The following EXOSC10 variants were observed in gnomAD, a reference collection of about 807,000 sequenced individuals.
EXOSC10 encodes exosome complex component 10.
Under a neutral mutation model 126.6 loss-of-function variants are expected in EXOSC10, and 94 were observed. The observed-to-expected ratio is 0.74, with a 90% CI of 0.63 to 0.88. The LOEUF (loss-of-function observed/expected upper bound fraction) is 0.88. Among genes scored for constraint, EXOSC10 ranks in the 40% least tolerant of loss-of-function variants. EXOSC10 has a pLI of 0.00. For synonymous variants in EXOSC10, 395 were observed against 400.8 expected, an observed-to-expected ratio of 0.99 and a Z score of 0.17; for missense variants, 1,041 against 1,100.5, an observed-to-expected ratio of 0.95 and a Z score of 0.77.
At position 11,097,215 on chromosome 1, in the gene EXOSC10, C is replaced by G. The variant is rs114624687; in HGVS notation, c.248+805G>C. 6.7e-5 allele frequency among the ~76,000 whole-genome samples: 10 copies of G among 149,748 alleles called. 1 individual carries two copies. In the East Asian group the frequency reaches 1.2e-3, roughly 18 times the overall value. On this transcript the variant is annotated intron_variant, in intron 2 of 24. Coordinates refer to ENST00000376936, the MANE Select transcript of EXOSC10 (RefSeq NM_001001998.3). ...ACAGAGCAAGACTCCGTACTCCCCCCCAACAAAAAAAAAAAAGCTGGTCGT... is the reference window on the plus strand; with the variant it reads ...ACAGAGCAAGACTCCGTACTCCCCCGCAACAAAAAAAAAAAAGCTGGTCGT...
chr1:11,087,448 C>T lies in EXOSC10; in HGVS notation c.1089G>A (p.Lys363=). ...CATGAGTTACAAAAGGCTGGCTGAC[C>T]TTAACGATGGCTGGGTCTGTGAGGC... ...NESLTDPAIV[K]VFHGADSDIE... The change falls in exon 9 of 25, where the codon AAG becomes AAA. Residue 363 remains lysine, a splice_region_variant and synonymous_variant. Coordinates refer to ENST00000376936, the MANE Select transcript of EXOSC10 (RefSeq NM_001001998.3). 6.2e-7 allele frequency: 1 copy of T among 1,613,986 alleles called. No individual in the cohort carries two copies. Among genetic ancestry groups the T allele is most frequent in the Non-Finnish European group, 8.5e-7 (1 of 1,179,964 alleles).
rs202156521 is a variant in EXOSC10 at position 11,074,046 on chromosome 1, A to C, written c.2083-38T>G. Reference sequence around the variant, plus strand: ...AATGGCTGTGTGAAACGCTGCCGGGAACGGAATCTAGAGCCACGGGGCAGA... The same window carrying C: ...AATGGCTGTGTGAAACGCTGCCGGGCACGGAATCTAGAGCCACGGGGCAGA... On this transcript the variant is annotated intron_variant, in intron 18 of 24. Transcript: ENST00000376936. The C allele has an allele frequency of 8.0e-5, 128 of 1,594,466 alleles. 2 individuals carry two copies. In the East Asian group the frequency reaches 2.8e-3, roughly 35 times the overall value.
chr1:11,090,610 G>A lies in EXOSC10; in HGVS notation c.702C>T (p.Pro234=), dbSNP rs200117904. 1.0e-4 allele frequency: 161 copies of A among 1,614,106 alleles called. 1 individual carries two copies. The highest frequency in any genetic ancestry group is 8.5e-6 in the Non-Finnish European group (10 of 1,180,028). ...GATGGATGAAATCAGCCAGTGCAGG[G>A]GGGACGTCCAAGTCCTCAGGACGAT... The part of the protein sequence containing the change: ...PQDRPEDLDV[P]PALADFIHQQ... Residue 234 remains proline (P), a synonymous_variant, in exon 6 of 25, where the codon CCC becomes CCT. Coordinates refer to ENST00000376936, the MANE Select transcript of EXOSC10 (RefSeq NM_001001998.3).
Position 11,091,507 on chromosome 1 carries a change from T to C in EXOSC10, c.463A>G (p.Ser155Gly). The change falls in exon 4 of 25, where the codon AGC (serine) becomes GGC (glycine). Residue 155 changes from serine to glycine, a missense_variant. Around this residue, in one of 3 missense-constraint regions of EXOSC10, gnomAD observed 645 missense variants for 656.3 expected, o/e 0.98. Transcript: ENST00000376936. ...AAAGCCCTCACCTTACGGTTCCAGCTGGACACTACCGTTTTGGGGACCTGC... is the reference window on the plus strand; with the variant it reads ...AAAGCCCTCACCTTACGGTTCCAGCCGGACACTACCGTTTTGGGGACCTGC... ...GLQVPKTVVS[S>G]WNRKAAEYGK... 1 of 1,614,068 alleles carries C rather than the reference T, an allele frequency of 6.2e-7. No individual in the cohort carries two copies. The highest frequency in any genetic ancestry group is 8.5e-7 in the Non-Finnish European group (1 of 1,179,958).
At chr1:11,070,069 C>CA (rs369758536) in intron 21 of EXOSC10, among the ~76,000 whole-genome samples, 61 of 149,962 alleles carry the variant, frequency 4.1e-4, no homozygotes, top group African/African-American at 1.1e-3. Context: ...CCTATCTCTA[C>CA]AAAAAAAAAG....
In EXOSC10 at chr1:11,080,849, GCTT is replaced by G; in HGVS notation, c.1498_1500del (p.Lys500del). The stretch of plus-strand genomic sequence containing the variant: ...GCTGTCAACTGCTGTGTGTTAAGGT[GCTT>G]CTTCTGCTTCCTATAGAGTTCAAGG... On this transcript the variant is annotated inframe_deletion, in exon 12 of 25. Coordinates refer to ENST00000376936, the MANE Select transcript of EXOSC10 (RefSeq NM_001001998.3). 1.2e-6 allele frequency: 2 copies of G among 1,613,970 alleles called. No individual in the cohort carries two copies. Among genetic ancestry groups the G allele is most frequent in the Middle Eastern group, 1.6e-4 (1 of 6,062 alleles).
intron 14 of EXOSC10, among the ~76,000 whole-genome samples, chr1:11,079,447 G>A (rs542268411): frequency 6.3e-5 from 9 of 143,936 alleles, no homozygotes; most frequent in Admixed American, 4.2e-4. Context: ...AGGCTAGAGT[G>A]CAGTGGCGCG....
chr1:11,088,866 T>C (rs759957610), intron 6 of EXOSC10, among the ~76,000 whole-genome samples: 1 of 152,306 alleles, frequency 6.6e-6, no homozygotes, highest in Middle Eastern at 3.4e-3. Context: ...CTATTTTAAG[T>C]GAAGTTTTTC....
intron 1 of EXOSC10, 130 bp downstream of exon 1, chr1:11,099,591 C>G (rs775729204): frequency 1.9e-5 from 19 of 987,522 alleles, no homozygotes; most frequent in African/African-American, 3.4e-5. Context: ...CTGCGCCCAG[C>G]GCGGACAGGG....
rs781579390 is a variant in EXOSC10 at position 11,081,235 on chromosome 1, A to C, written c.1284T>G (p.Pro428=). ...CGTAGCTGAGCATCTCCTCGGGCAGAGGGCTGGAATTGCAGAGGACAATGT... is the reference window on the plus strand; with the variant it reads ...CGTAGCTGAGCATCTCCTCGGGCAGCGGGCTGGAATTGCAGAGGACAATGT... ...QYQLADWRIR[P]LPEEMLSYAR... Residue 428 remains proline, a synonymous_variant, in exon 11 of 25, where the codon CCT becomes CCG. Transcript: ENST00000376936. The C allele has an allele frequency of 3.7e-6, 6 of 1,614,134 alleles. No homozygotes were observed. In the South Asian group the frequency reaches 6.6e-5, roughly 18 times the overall value.
intron 17 of EXOSC10, among the ~76,000 whole-genome samples, chr1:11,076,149 G>C (rs112387779): frequency 0.072 from 10,955 of 151,852 alleles, 613 homozygotes; most frequent in East Asian, 0.15. Flanking sequence ...TGTGCAACAA[G>C]AGCGAAACTC....
Position 11,087,486 on chromosome 1 carries a change from T to G in EXOSC10, c.1051A>C (p.Ile351Leu). The change falls in exon 9 of 25, where the codon ATT becomes CTT. Residue 351 changes from isoleucine (I) to leucine (L), a missense_variant. Around this residue, in one of 3 missense-constraint regions of EXOSC10, gnomAD observed 645 missense variants for 656.3 expected, o/e 0.98. Coordinates refer to ENST00000376936, the MANE Select transcript of EXOSC10 (RefSeq NM_001001998.3). ...DTLELRSDMY[I>L]LNESLTDPAI... Reference sequence around the variant, plus strand: ...GGGTCTGTGAGGCTCTCATTGAGAATGTACATGTCACTTCGAAGCTCGAGG... The same window carrying G: ...GGGTCTGTGAGGCTCTCATTGAGAAGGTACATGTCACTTCGAAGCTCGAGG... The G allele has an allele frequency of 6.2e-7, 1 of 1,614,110 alleles. No homozygotes were observed. The highest frequency in any genetic ancestry group is 8.5e-7 in the Non-Finnish European group (1 of 1,180,014).
chr1:11,070,801 TA>T, intron 21 of EXOSC10, 98 bp downstream of exon 21: 1 of 1,084,828 alleles, frequency 9.2e-7, no homozygotes, highest in Non-Finnish European at 1.4e-6. Flanking sequence ...GGACTTAATA[TA>T]AAGCACAGGG....
At chr1:11,080,998 T>C (rs527423233) in intron 11 of EXOSC10, 84 bp downstream of exon 11, 1 of 1,580,488 alleles carries the variant, frequency 6.3e-7, no homozygotes, top group East Asian at 2.2e-5. Flanking sequence ...TTTTCATGAA[T>C]GTAAGGAGCA....
intron 3 of EXOSC10, 21 bp from the exon 4 acceptor site, chr1:11,091,618 G>C (rs375960056): frequency 1.3e-6 from 2 of 1,584,058 alleles, no homozygotes; most frequent in Non-Finnish European, 1.7e-6. Flanking sequence ...AAGAGGTACT[G>C]GTTAAGCATT....
In EXOSC10 at chr1:11,080,598, ACACACACG is replaced by A. The variant is rs776607750; in HGVS notation, c.1587-57_1587-50del. On this transcript the variant is annotated intron_variant, in intron 12 of 24. Coordinates refer to ENST00000376936, the MANE Select transcript of EXOSC10 (RefSeq NM_001001998.3). ...CACACACACACACACACACACACAC[ACACACACG>A]GTGGGGACACATTACATTCAGCCAG... The A allele has an allele frequency of 8.1e-4, 1,165 of 1,439,854 alleles. 2 individuals are homozygous for A. In the South Asian group the frequency reaches 8.2e-3, roughly 10 times the overall value. 89.2% of individuals were successfully genotyped at this position (1,439,854 alleles called of 1,614,324 possible).
chr1:11,080,935 C>A, intron 11 of EXOSC10, 23 bp from the exon 12 acceptor site: 3 of 1,589,006 alleles, frequency 1.9e-6, no homozygotes, highest in South Asian at 1.1e-5. Flanking sequence ...AGAGAACATT[C>A]AAAATCAACG....
At chr1:11,068,510 C>A in intron 23 of EXOSC10, 135 bp downstream of exon 23, 1 of 721,372 alleles carries the variant, frequency 1.4e-6, no homozygotes. Flanking sequence ...GTACTGTCTG[C>A]CCTTGGGAAG....
rs199850798 is a variant in EXOSC10 at position 11,077,669 on chromosome 1, G to T, written c.1750-18C>A. ...ACTTCAGACTAAGGAAAAAAACGAA[G>T]GGAATTGAGGAAAGTTGCCCAAGCA... On this transcript the variant is annotated intron_variant, in intron 14 of 24. Coordinates refer to ENST00000376936, the MANE Select transcript of EXOSC10 (RefSeq NM_001001998.3). 6.3e-7 allele frequency: 1 copy of T among 1,599,448 alleles called. No homozygotes were observed. Among genetic ancestry groups the T allele is most frequent in the Admixed American group, 1.7e-5 (1 of 59,568 alleles).
Sources: allele counts gnomAD v4.1 joint callset (sites outside exome capture counted in the v4.1 genomes callset), GRCh38; gene constraint gnomAD v4.1.1; regional missense constraint gnomAD v4.1.1; transcripts MANE v1.5; gene names NCBI Gene and HGNC (gene_info 2026-07-23, HGNC 2026-07-21).